PTPRM: variants seen among roughly 807,000 people sequenced by gnomAD.
PTPRM encodes protein tyrosine phosphatase receptor type M.
Under a neutral mutation model 186.7 loss-of-function variants are expected in PTPRM, and 47 were observed. The observed-to-expected ratio is 0.25, with a 90% CI of 0.20 to 0.32. The LOEUF (loss-of-function observed/expected upper bound fraction) is 0.32, where lower values mean the gene tolerates loss of function less well. Ranked by LOEUF, PTPRM falls within the 10% of genes least tolerant of loss-of-function variation. The pLI is 1.00. For missense variants in PTPRM, 1,494 were observed against 1,865.0 expected, an observed-to-expected ratio of 0.80 and a Z score of 3.66; for synonymous variants, 668 against 674.9, an observed-to-expected ratio of 0.99 and a Z score of 0.16.
rs1279465912 is a variant in PTPRM at position 7,839,940 on chromosome 18, T to C, written c.197-48166T>C. On this transcript the variant is annotated intron_variant, in intron 2 of 32. Transcript: ENST00000580170. ...ATGGGTGGGCATCAGTTGAGTTTGC[T>C]CTGGTTTTGTTTTCTGCTGTAACAA... Among the ~76,000 whole-genome samples the C allele has an allele frequency of 3.3e-5, 5 of 152,148 alleles. 1 individual carries two copies. The South Asian group carries it at 8.3e-4, about 25-fold the overall frequency.
chr18:8,211,611 G>T (rs2094007524), intron 14 of PTPRM, among the ~76,000 whole-genome samples: 1 of 151,860 alleles, frequency 6.6e-6, no homozygotes, highest in African/African-American at 2.4e-5. Context: ...CACCATGTTA[G>T]CCAGGCTGGT....
At chr18:7,758,120 G>A (rs960881781) in intron 1 of PTPRM, among the ~76,000 whole-genome samples, 1 of 152,178 alleles carries the variant, frequency 6.6e-6, no homozygotes, top group African/African-American at 2.4e-5. Context: ...ATTTATCCCA[G>A]TGATTCTGAT....
intron 2 of PTPRM, among the ~76,000 whole-genome samples, chr18:7,820,170 C>G (rs898915798): frequency 2.6e-5 from 4 of 152,126 alleles, no homozygotes; most frequent in African/African-American, 9.7e-5. Flanking sequence ...GCTATATCCA[C>G]TCTTAGCCAG....
At chr18:7,781,980 C>T (rs2042878580) in intron 2 of PTPRM, among the ~76,000 whole-genome samples, 1 of 152,092 alleles carries the variant, frequency 6.6e-6, no homozygotes, top group African/African-American at 2.4e-5. Flanking sequence ...ACTCAGACCA[C>T]CTTGGTGAGG....
At chr18:7,859,969 A>AG (rs1567928586) in intron 2 of PTPRM, among the ~76,000 whole-genome samples, 1 of 152,182 alleles carries the variant, frequency 6.6e-6, no homozygotes, top group Non-Finnish European at 1.5e-5. Context: ...GTACAAGTGG[A>AG]GGGCTAGTAG....
intron 23 of PTPRM, among the ~76,000 whole-genome samples, chr18:8,351,583 G>C (rs1482401942): frequency 6.6e-6 from 1 of 151,830 alleles, no homozygotes; most frequent in African/African-American, 2.4e-5. Context: ...CACAGGGACG[G>C]CCTCTCTGTT....
intron 14 of PTPRM, among the ~76,000 whole-genome samples, chr18:8,224,985 C>T (rs9967455): frequency 0.2 from 30,218 of 152,136 alleles, 3,375 homozygotes; most frequent in African/African-American, 0.3. Context: ...GTTTTGCCAA[C>T]CTCATCCATC....
intron 2 of PTPRM, among the ~76,000 whole-genome samples, chr18:7,887,395 A>C (rs919797440): frequency 6.6e-6 from 1 of 152,192 alleles, no homozygotes; most frequent in Non-Finnish European, 1.5e-5. Flanking sequence ...AGTTGGGACA[A>C]TGATTGCCTA....
chr18:8,312,107 A>T (rs955719249), intron 20 of PTPRM, among the ~76,000 whole-genome samples: 1 of 152,202 alleles, frequency 6.6e-6, no homozygotes, highest in African/African-American at 2.4e-5. Context: ...CCTTCAGAGG[A>T]GCTGACGAAA....
chr18:8,400,585 C>G (rs998024716), intron 32 of PTPRM, among the ~76,000 whole-genome samples: 1 of 152,204 alleles, frequency 6.6e-6, no homozygotes, highest in Non-Finnish European at 1.5e-5. Context: ...TGCCATGCGG[C>G]GGTGTTCACA....
chr18:8,307,576 G>A (rs1001405938), intron 20 of PTPRM, among the ~76,000 whole-genome samples: 7 of 152,200 alleles, frequency 4.6e-5, no homozygotes, highest in Admixed American at 1.3e-4. Flanking sequence ...GGCCAAGGCA[G>A]GCAGATCACC....
intron 31 of PTPRM, among the ~76,000 whole-genome samples, chr18:8,393,896 C>T (rs144843509): frequency 1.9e-3 from 294 of 152,300 alleles, no homozygotes; most frequent in African/African-American, 6.8e-3. Flanking sequence ...TCACGCCATT[C>T]TCCTGCCTCA....
intron 1 of PTPRM, among the ~76,000 whole-genome samples, chr18:7,585,263 A>T (rs2036948707): frequency 6.6e-6 from 1 of 151,748 alleles, no homozygotes; most frequent in Non-Finnish European, 1.5e-5. Context: ...AATGGTTTTT[A>T]ATTTTTTTTT....
intron 1 of PTPRM, among the ~76,000 whole-genome samples, chr18:7,750,545 C>T (rs1237814822): frequency 6.6e-6 from 1 of 152,106 alleles, no homozygotes; most frequent in Admixed American, 6.6e-5. Flanking sequence ...CTATTAGAGC[C>T]AATAGAAGTT....
At chr18:7,787,979 G>T (rs1158219755) in intron 2 of PTPRM, among the ~76,000 whole-genome samples, 1 of 152,184 alleles carries the variant, frequency 6.6e-6, no homozygotes, top group Non-Finnish European at 1.5e-5. Context: ...TTATGATCAT[G>T]AAAATAGTTT....
intron 20 of PTPRM, 134 bp from the exon 21 acceptor site, chr18:8,314,647 A>G (rs2095295005): frequency 5.4e-6 from 3 of 551,414 alleles, no homozygotes; most frequent in East Asian, 6.1e-5. Context: ...GAGGGTGTGT[A>G]CTATTTAATT....
At chr18:8,002,355 G>A (rs1026472517) in intron 7 of PTPRM, among the ~76,000 whole-genome samples, 1 of 152,148 alleles carries the variant, frequency 6.6e-6, no homozygotes, top group Non-Finnish European at 1.5e-5. Context: ...TCCTTACCAG[G>A]TATGATTTGA....
chr18:8,289,537 CATATATATATATACATATATATACACAT>C (rs1568674637), intron 19 of PTPRM, among the ~76,000 whole-genome samples: 3 of 93,706 alleles, frequency 3.2e-5, no homozygotes, highest in African/African-American at 1.3e-4. Flanking sequence ...TATATATACA[CATATATATATATACATATATATACACAT>C]ATATATATAT....
intron 5 of PTPRM, among the ~76,000 whole-genome samples, chr18:7,942,298 A>AT (rs1025554169): frequency 9.9e-5 from 15 of 152,040 alleles, no homozygotes; most frequent in African/African-American, 2.9e-4. Flanking sequence ...AAAAAAAAAA[A>AT]ATATTTAATA....
Sources: gnomAD v4.1 joint callset for allele counts (sites outside exome capture counted in the v4.1 genomes callset) on GRCh38, gnomAD v4.1.1 for gene constraint, MANE v1.5 for transcripts, NCBI Gene and HGNC (gene_info 2026-07-23, HGNC 2026-07-21) for gene names.